PCDH15: variants seen among roughly 807,000 people sequenced by gnomAD.
The protein encoded by PCDH15 is protocadherin-15.
A neutral mutation model predicts 178.5 loss-of-function variants in PCDH15; 129 were observed. That is an observed-to-expected ratio of 0.72 (90% confidence interval 0.63 to 0.84). The LOEUF (loss-of-function observed/expected upper bound fraction) is 0.84, where lower values mean the gene tolerates loss of function less well. Among genes scored for constraint, PCDH15 ranks in the 40% least tolerant of loss-of-function variants. The pLI is 0.00. For missense variants in PCDH15, 2,230 were observed against 2,099.9 expected, an observed-to-expected ratio of 1.06 and a Z score of -1.21; for synonymous variants, 800 against 732.0, an observed-to-expected ratio of 1.09 and a Z score of -1.50.
Position 55,525,217 on chromosome 10 carries a change from T to C in PCDH15, c.-156+102408A>G, listed in dbSNP as rs898582800. Among the ~76,000 whole-genome samples the C allele has an allele frequency of 3.3e-5, 5 of 151,870 alleles. No homozygotes were observed. The Admixed American group carries it at 3.3e-4, about 10-fold the overall frequency. ...GATTTGGATTTCAGTATTGTGAATTTTTGTTACAAAAATAAAATTACAATT... is the reference window on the plus strand; with the variant it reads ...GATTTGGATTTCAGTATTGTGAATTCTTGTTACAAAAATAAAATTACAATT... On this transcript the variant is annotated intron_variant, in intron 2 of 5. Transcript: ENST00000613346.
chr10:54,301,287 C>T lies in PCDH15; in HGVS notation c.876+15984G>A, dbSNP rs951560081. ...TGAGGTAGAGTAAGACACATATTTA[C>T]AAGCTAGTTATGCAAGTTATGATCC... On this transcript the variant is annotated intron_variant, in intron 8 of 37. Coordinates refer to ENST00000644397, the MANE Select transcript of PCDH15 (RefSeq NM_001384140.1). Among the ~76,000 whole-genome samples the T allele has an allele frequency of 3.3e-5, 5 of 152,266 alleles. No individual in the cohort carries two copies. In the South Asian group the frequency reaches 1.0e-3, roughly 32 times the overall value.
At chr10:55,544,139 CATATATATATATATAT>C (rs1176456895) in intron 2 of PCDH15, among the ~76,000 whole-genome samples, 8 of 54,346 alleles carry the variant, frequency 1.5e-4, no homozygotes, top group South Asian at 1.4e-3. Flanking sequence ...CTTATACATA[CATATATATATATATAT>C]ATATATATAT....
intron 2 of PCDH15, among the ~76,000 whole-genome samples, chr10:54,548,389 T>C (rs1455775775): frequency 6.7e-6 from 1 of 148,270 alleles, no homozygotes; most frequent in Non-Finnish European, 1.5e-5. Flanking sequence ...TTATTAAGTG[T>C]TGAAGAACCA....
chr10:53,824,190 C>T (rs530146661), intron 32 of PCDH15, among the ~76,000 whole-genome samples: 10 of 151,850 alleles, frequency 6.6e-5, no homozygotes, highest in Non-Finnish European at 1.3e-4. Context: ...CTTACTTATG[C>T]ACGGAAACTG....
intron 1 of PCDH15, among the ~76,000 whole-genome samples, chr10:54,725,831 G>A (rs67651372): frequency 0.12 from 18,438 of 151,256 alleles, 1,255 homozygotes; most frequent in African/African-American, 0.17. Context: ...AGTTGGAACT[G>A]GAATTCTTGG....
At chr10:53,846,629 A>C (rs531738902) in intron 28 of PCDH15, among the ~76,000 whole-genome samples, 1 of 152,072 alleles carries the variant, frequency 6.6e-6, no homozygotes, top group Non-Finnish European at 1.5e-5. Context: ...GAACCAAGTT[A>C]TTTTTGGTAG....
At chr10:53,857,142 A>AAAAT (rs1267994102) in intron 28 of PCDH15, 33 bp downstream of exon 28, 1 of 1,420,306 alleles carries the variant, frequency 7.0e-7, no homozygotes, top group Non-Finnish European at 9.9e-7. Flanking sequence ...TGGTCATATA[A>AAAAT]AAATAAATAT....
intron 2 of PCDH15, among the ~76,000 whole-genome samples, chr10:54,534,647 C>T (rs1373709653): frequency 2.0e-5 from 3 of 152,206 alleles, no homozygotes; most frequent in Non-Finnish European, 4.4e-5. Context: ...CAGACACACA[C>T]ACACACTGAA....
In PCDH15 at chr10:55,277,292, A is replaced by G. The variant is rs563384099; in HGVS notation, c.-156+42307T>C. ...AACCCAGCCAGTCTTTTTTTCAGGTAGTTTATGATTAGTATATTAACTGTA... is the reference window on the plus strand; with the variant it reads ...AACCCAGCCAGTCTTTTTTTCAGGTGGTTTATGATTAGTATATTAACTGTA... On this transcript the variant is annotated intron_variant, in intron 1 of 5. Coordinates refer to the PCDH15 transcript ENST00000458638. Among the ~76,000 whole-genome samples the G allele has an allele frequency of 3.4e-4, 51 of 152,156 alleles. 1 individual carries two copies. The South Asian group carries it at 0.01, about 31-fold the overall frequency.
chr10:55,483,699 C>T (rs750230145), intron 2 of PCDH15, among the ~76,000 whole-genome samples: 4 of 151,366 alleles, frequency 2.6e-5, no homozygotes, highest in Non-Finnish European at 4.4e-5. Context: ...GTCTGCAATC[C>T]CAGCTACTTT....
chr10:54,620,015 T>C (rs935540421), intron 2 of PCDH15, among the ~76,000 whole-genome samples: 3 of 152,048 alleles, frequency 2.0e-5, no homozygotes, highest in African/African-American at 7.2e-5. Context: ...TTTCTTAACA[T>C]GGGAAAATTA....
Position 53,822,368 on chromosome 10 carries a change from G to A in PCDH15, c.4368-2138C>T, listed in dbSNP as rs727503361. On this transcript the variant is annotated intron_variant, in intron 32 of 37. Transcript: ENST00000644397. ...ATGTAGGAGGAGGAAGAGGAAGAGGGATAGAAGGAGGAGAGGGAGGAGGAC... is the reference window on the plus strand; with the variant it reads ...ATGTAGGAGGAGGAAGAGGAAGAGGAATAGAAGGAGGAGAGGGAGGAGGAC... The A allele has an allele frequency of 1.3e-6, 2 of 1,575,706 alleles. No individual in the cohort carries two copies. Among genetic ancestry groups the A allele is most frequent in the Non-Finnish European group, 1.7e-6 (2 of 1,159,656 alleles).
chr10:54,688,623 C>T (rs956411007), intron 1 of PCDH15, among the ~76,000 whole-genome samples: 2 of 152,052 alleles, frequency 1.3e-5, no homozygotes, highest in African/African-American at 2.4e-5. Flanking sequence ...AGGTTTTCTC[C>T]TTTCATCTCA....
At chr10:54,949,600 C>A (rs991200178) in intron 2 of PCDH15, among the ~76,000 whole-genome samples, 30 of 151,962 alleles carry the variant, frequency 2.0e-4, no homozygotes, top group Admixed American at 2.0e-3. Context: ...AGTCAAGATG[C>A]AAATTTTTCA....
intron 1 of PCDH15, among the ~76,000 whole-genome samples, chr10:55,204,412 T>C (rs1345313441): frequency 1.3e-5 from 2 of 151,776 alleles, no homozygotes; most frequent in African/African-American, 2.4e-5. Flanking sequence ...AATATAAAAC[T>C]CTTCCTTGAA....
At chr10:55,224,437 T>G (rs542988460) in intron 1 of PCDH15, among the ~76,000 whole-genome samples, 11 of 152,198 alleles carry the variant, frequency 7.2e-5, no homozygotes, top group African/African-American at 1.9e-4. Flanking sequence ...TGTGTGCTTT[T>G]GCTTGACTTC....
chr10:54,537,577 T>C (rs1003907089), intron 2 of PCDH15, among the ~76,000 whole-genome samples: 1 of 152,158 alleles, frequency 6.6e-6, no homozygotes, highest in African/African-American at 2.4e-5. Flanking sequence ...AATCTACCAT[T>C]ATCAAGTAGG....
chr10:53,935,784 G>C (rs1439678908), intron 25 of PCDH15, among the ~76,000 whole-genome samples: 2 of 151,710 alleles, frequency 1.3e-5, no homozygotes, highest in Non-Finnish European at 2.9e-5. Flanking sequence ...TCCTATAGTT[G>C]GTGGACCTCA....
chr10:53,879,290 A>G (rs191233888), intron 26 of PCDH15, among the ~76,000 whole-genome samples: 163 of 152,334 alleles, frequency 1.1e-3, no homozygotes, highest in African/African-American at 3.7e-3. Flanking sequence ...AGGAAAGTAT[A>G]GTTATTGATG....
Sources: gnomAD v4.1 joint callset for allele counts (sites outside exome capture counted in the v4.1 genomes callset) on GRCh38, gnomAD v4.1.1 for gene constraint, MANE v1.5 for transcripts, NCBI Gene and HGNC (gene_info 2026-07-23, HGNC 2026-07-21) for gene names.